The following DACH1 variants were observed in gnomAD, a reference collection of about 807,000 sequenced individuals.
The protein encoded by DACH1 is dachshund homolog 1.
A neutral mutation model predicts 54.2 loss-of-function variants in DACH1; 12 were observed. That is an observed-to-expected ratio of 0.22 (90% CI 0.14 to 0.36). DACH1 has a LOEUF of 0.36. DACH1 is among the 10% of genes least tolerant of loss of function. DACH1 has a pLI of 1.00. For missense variants in DACH1, 805 were observed against 929.8 expected, an observed-to-expected ratio of 0.87 and a Z score of 1.75; for synonymous variants, 386 against 366.2, an observed-to-expected ratio of 1.05 and a Z score of -0.62.
chr13:71,798,323 CATATATATATATAT>C (rs35310464), intron 1 of DACH1, among the ~76,000 whole-genome samples: 15,058 of 96,568 alleles, frequency 0.16, 2,132 homozygotes, highest in East Asian at 0.66. Flanking sequence ...TTGTTACATA[CATATATATATATAT>C]ATATATATAT....
At chr13:71,596,256 C>CTTATTCATTAACTGT (rs565495991) in intron 3 of DACH1, among the ~76,000 whole-genome samples, 3 of 152,176 alleles carry the variant, frequency 2.0e-5, no homozygotes, top group East Asian at 3.9e-4. Flanking sequence ...TTTCAGGATT[C>CTTATTCATTAACTGT]TTATTCATTA....
chr13:71,599,025 T>C (rs1297879120), intron 3 of DACH1, among the ~76,000 whole-genome samples: 2 of 152,158 alleles, frequency 1.3e-5, no homozygotes, highest in Non-Finnish European at 2.9e-5. Flanking sequence ...CTCTTATTTA[T>C]ATAAGGGTAT....
chr13:71,576,348 C>T (rs1885524420), intron 3 of DACH1, among the ~76,000 whole-genome samples: 1 of 152,092 alleles, frequency 6.6e-6, no homozygotes, highest in Non-Finnish European at 1.5e-5. Context: ...TTTAGTGTAA[C>T]TAAAATTCAA....
At chr13:71,540,767 A>G (rs1452592785) in intron 6 of DACH1, among the ~76,000 whole-genome samples, 2 of 152,030 alleles carry the variant, frequency 1.3e-5, no homozygotes, top group African/African-American at 4.8e-5. Context: ...CTCATGACTT[A>G]GGGTATTTAG....
intron 10 of DACH1, among the ~76,000 whole-genome samples, chr13:71,470,985 G>T (rs1877018233): frequency 6.6e-6 from 1 of 152,198 alleles, no homozygotes; most frequent in Admixed American, 6.5e-5. Context: ...GGGGCAGGGA[G>T]TTGCCACAGC....
chr13:71,864,212 C>CAA (rs1334774765), intron 1 of DACH1, among the ~76,000 whole-genome samples: 1 of 104,478 alleles, frequency 9.6e-6, no homozygotes, highest in Admixed American at 1.1e-4. Context: ...CACACACACA[C>CAA]ACAACATTTA....
chr13:71,460,612 A>G (rs545858636), intron 10 of DACH1, among the ~76,000 whole-genome samples: 3 of 152,172 alleles, frequency 2.0e-5, no homozygotes, highest in South Asian at 4.1e-4. Context: ...GTTTCTGTCT[A>G]GTTTGAAACC....
chr13:71,657,897 C>T lies in DACH1; in HGVS notation c.964+23898G>A, dbSNP rs552852217. The stretch of plus-strand genomic sequence containing the variant: ...TGCTGGGATTACGGGTGTGAGCCAC[C>T]GTGTCCCTGAATTTACTTTCAAAAG... On this transcript the variant is annotated intron_variant, in intron 2 of 10. Coordinates refer to ENST00000613252, the MANE Select transcript of DACH1 (RefSeq NM_080759.6). Among the ~76,000 whole-genome samples, 24 of 152,138 alleles carry T rather than the reference C, an allele frequency of 1.6e-4. No homozygotes were observed. In the East Asian group the frequency reaches 3.5e-3, roughly 22 times the overall value.
At position 71,692,004 on chromosome 13, in the gene DACH1, C is replaced by T. The variant is rs558062850; in HGVS notation, c.849-10094G>A. The stretch of plus-strand genomic sequence containing the variant: ...ACGAAACAGCCATAGAGGCATAGCC[C>T]CCCATTACACACACACACACACACA... On this transcript the variant is annotated intron_variant, in intron 1 of 10. Transcript: ENST00000613252. 5.0e-5 allele frequency among the ~76,000 whole-genome samples: 7 copies of T among 139,468 alleles called. 1 individual carries two copies. The highest frequency in any genetic ancestry group is 1.9e-4 in the African/African-American group (7 of 36,404). 91.5% of individuals were successfully genotyped at this position (139,468 alleles called of 152,430 possible).
intron 6 of DACH1, among the ~76,000 whole-genome samples, chr13:71,508,287 C>T (rs1331004378): frequency 1.3e-5 from 2 of 152,068 alleles, no homozygotes; most frequent in Non-Finnish European, 2.9e-5. Context: ...TGTGAATTGC[C>T]AAGTATTTTC....
At chr13:71,815,634 G>A (rs966311474) in intron 1 of DACH1, among the ~76,000 whole-genome samples, 2 of 152,040 alleles carry the variant, frequency 1.3e-5, no homozygotes, top group African/African-American at 2.4e-5. Flanking sequence ...TCCTTTTTTA[G>A]GAAAACAGTT....
chr13:71,489,374 G>A (rs1878803489), intron 6 of DACH1, among the ~76,000 whole-genome samples: 1 of 152,080 alleles, frequency 6.6e-6, no homozygotes, highest in African/African-American at 2.4e-5. Flanking sequence ...AGTCTCTAAT[G>A]AGACTGAGTT....
At chr13:71,728,909 G>A (rs748921711) in intron 1 of DACH1, among the ~76,000 whole-genome samples, 2 of 151,694 alleles carry the variant, frequency 1.3e-5, no homozygotes, top group Non-Finnish European at 2.9e-5. Flanking sequence ...GGTTTTGTTT[G>A]GTTTTTGAGG....
chr13:71,467,349 T>G (rs1593739258), intron 10 of DACH1, among the ~76,000 whole-genome samples: 1 of 60,470 alleles, frequency 1.7e-5, no homozygotes, highest in Non-Finnish European at 3.0e-5. Context: ...GGGACTGTTG[T>G]GGGGTGGGGG....
chr13:71,592,789 C>T (rs1264874351), intron 3 of DACH1, among the ~76,000 whole-genome samples: 1 of 152,064 alleles, frequency 6.6e-6, no homozygotes, highest in Non-Finnish European at 1.5e-5. Flanking sequence ...AGCAATCTTC[C>T]TCCAATAGTT....
intron 1 of DACH1, among the ~76,000 whole-genome samples, chr13:71,750,858 C>T (rs1234359100): frequency 6.6e-6 from 1 of 152,114 alleles, no homozygotes. Context: ...ATCAATGAAA[C>T]ACACACATTG....
At chr13:71,665,233 T>C (rs1459313809) in intron 2 of DACH1, among the ~76,000 whole-genome samples, 1 of 151,888 alleles carries the variant, frequency 6.6e-6, no homozygotes, top group Non-Finnish European at 1.5e-5. Flanking sequence ...AAAAAAAAAG[T>C]TTAGTAGACT....
chr13:71,681,661 C>A, intron 2 of DACH1, 134 bp downstream of exon 2: 1 of 489,160 alleles, frequency 2.0e-6, no homozygotes, highest in Admixed American at 3.8e-5. Flanking sequence ...AATAAATTAT[C>A]TCAGTAACAT....
intron 3 of DACH1, among the ~76,000 whole-genome samples, chr13:71,585,278 G>A (rs1873156799): frequency 6.6e-6 from 1 of 152,134 alleles, no homozygotes; most frequent in South Asian, 2.1e-4. Context: ...TCATGTGCAT[G>A]TGTGTATTTG....
Sources: allele counts gnomAD v4.1 joint callset (sites outside exome capture counted in the v4.1 genomes callset), GRCh38; gene constraint gnomAD v4.1.1; transcripts MANE v1.5; gene names NCBI Gene and HGNC (gene_info 2026-07-23, HGNC 2026-07-21).